The following TENT2 variants were observed in gnomAD, a reference collection of about 807,000 sequenced individuals.
The protein encoded by TENT2 is poly(A) RNA polymerase GLD2.
TENT2 carries 44 observed loss-of-function variants against 72.2 expected under a neutral mutation model. The observed-to-expected ratio is 0.61, with a 90% CI of 0.48 to 0.78. TENT2 has a LOEUF of 0.78. Ranked by LOEUF, TENT2 falls within the 30% of genes least tolerant of loss-of-function variation. The probability of loss-of-function intolerance (pLI) is 0.00; values close to 1 mark genes in which losing one functional copy is unlikely to be tolerated. For synonymous variants in TENT2, 212 were observed against 192.5 expected (o/e 1.10, Z -0.84); for missense variants, 541 against 569.6 (o/e 0.95, Z 0.51).
chr5:79,628,267 A>C (rs1285539600), intron 4 of TENT2, among the ~76,000 whole-genome samples: 1 of 152,220 alleles, frequency 6.6e-6, no homozygotes, highest in African/African-American at 2.4e-5. Flanking sequence ...TCAGTGTGAG[A>C]TAAAGTGGGG....
intron 4 of TENT2, among the ~76,000 whole-genome samples, chr5:79,635,795 G>A (rs966990030): frequency 6.6e-6 from 1 of 152,116 alleles, no homozygotes; most frequent in Non-Finnish European, 1.5e-5. Context: ...AGCTCCGGCA[G>A]TCCGCCCACC....
intron 6 of TENT2, 69 bp from the exon 7 acceptor site, chr5:79,642,763 A>G (rs575615109): frequency 1.6e-6 from 2 of 1,231,166 alleles, no homozygotes; most frequent in Admixed American, 4.4e-5. Flanking sequence ...TTTTGTTGAG[A>G]TACTTTAGGA....
At chr5:79,675,795 GAC>G (rs1297853882) in intron 12 of TENT2, among the ~76,000 whole-genome samples, 1 of 152,142 alleles carries the variant, frequency 6.6e-6, no homozygotes, top group Non-Finnish European at 1.5e-5. Context: ...ACATCCAGGT[GAC>G]AGTTTCCAAT....
chr5:79,630,178 T>C (rs754944958), intron 4 of TENT2, among the ~76,000 whole-genome samples: 19 of 152,118 alleles, frequency 1.2e-4, no homozygotes, highest in Non-Finnish European at 2.4e-4. Flanking sequence ...ATTTTATTTA[T>C]ATAAATGCTG....
At chr5:79,669,457 T>C (rs1162799442) in intron 12 of TENT2, among the ~76,000 whole-genome samples, 2 of 152,248 alleles carry the variant, frequency 1.3e-5, no homozygotes, top group African/African-American at 4.8e-5. Context: ...TAGTGTGATA[T>C]ACAAATTGAG....
At chr5:79,616,875 G>C (rs1328470652) in intron 1 of TENT2, among the ~76,000 whole-genome samples, 4 of 152,110 alleles carry the variant, frequency 2.6e-5, no homozygotes, top group Non-Finnish European at 5.9e-5. Flanking sequence ...ATAGAATTTT[G>C]TCCACAATCT....
chr5:79,616,626 A>T (rs1191398080), intron 1 of TENT2, among the ~76,000 whole-genome samples: 1 of 151,802 alleles, frequency 6.6e-6, no homozygotes, highest in Non-Finnish European at 1.5e-5. Flanking sequence ...TATTGTATGT[A>T]TTTTTGCTAG....
chr5:79,681,936 T>C (rs1822318910), intron 13 of TENT2, 46 bp from the exon 14 acceptor site: 1 of 1,502,274 alleles, frequency 6.7e-7, no homozygotes, highest in African/African-American at 1.4e-5. Flanking sequence ...AAACTGTAGC[T>C]CTCATTTTAA....
intron 4 of TENT2, among the ~76,000 whole-genome samples, chr5:79,634,482 A>T (rs12520923): frequency 6.6e-6 from 1 of 151,692 alleles, no homozygotes; most frequent in Non-Finnish European, 1.5e-5. Context: ...GACTACAGGC[A>T]CCTGTCACCA....
chr5:79,651,486 A>C (rs1794006912), intron 10 of TENT2, among the ~76,000 whole-genome samples: 1 of 152,078 alleles, frequency 6.6e-6, no homozygotes. Flanking sequence ...TCACTTCATA[A>C]AAGATGGTGC....
At chr5:79,621,770 A>AC (rs1445676711) in intron 3 of TENT2, among the ~76,000 whole-genome samples, 1 of 127,358 alleles carries the variant, frequency 7.9e-6, no homozygotes, top group Non-Finnish European at 1.6e-5. Flanking sequence ...AAAAAAAAAA[A>AC]AACAAAAAAA....
chr5:79,671,083 T>TA (rs994765010), intron 12 of TENT2, among the ~76,000 whole-genome samples: 8 of 152,178 alleles, frequency 5.3e-5, no homozygotes, highest in African/African-American at 1.9e-4. Context: ...TGTATACAAA[T>TA]ACCTTGAAAA....
chr5:79,630,425 CAT>C, intron 4 of TENT2, among the ~76,000 whole-genome samples: 1 of 152,168 alleles, frequency 6.6e-6, no homozygotes, highest in East Asian at 1.9e-4. Context: ...CTCTTTTAAA[CAT>C]ACAAAATTAG....
chr5:79,639,826 G>GA (rs1782982192), intron 4 of TENT2, among the ~76,000 whole-genome samples: 2 of 152,180 alleles, frequency 1.3e-5, no homozygotes, highest in Non-Finnish European at 2.9e-5. Context: ...AGTGTATACT[G>GA]ATGAAGAATA....
chr5:79,649,163 G>A lies in TENT2; in HGVS notation c.1000G>A (p.Val334Ile). 6.2e-7 allele frequency: 1 copy of A among 1,613,402 alleles called. No individual in the cohort carries two copies. The highest frequency in any genetic ancestry group is 1.1e-5 in the South Asian group (1 of 91,044). The change falls in exon 10 of 15, where the codon GTA becomes ATA. Residue 334 changes from valine (V) to isoleucine (I), a missense_variant. Transcript: ENST00000453514. ...TGGTACTTTAAGCAGCTATAGTCTT[G>A]TATTGATGGTTTTGCACTATTTACA... Reference protein sequence around the residue: ...SRGTLSSYSLVLMVLHYLQTL... With the variant: ...SRGTLSSYSLILMVLHYLQTL...
At chr5:79,631,537 C>G (rs72635612) in intron 4 of TENT2, among the ~76,000 whole-genome samples, 17,328 of 152,152 alleles carry the variant, frequency 0.11, 1,119 homozygotes, top group East Asian at 0.29. Flanking sequence ...GTAATTGAAG[C>G]CCCAGGAAGA....
At position 79,653,794 on chromosome 5, in the gene TENT2, A is replaced by G. The variant is rs1016399062; in HGVS notation, c.1028-3164A>G. ...TTACTGTGAGGGAAAAGGGCAAACA[A>G]GAGTCTGCAAGGTGTATTGAGTAGT... On this transcript the variant is annotated intron_variant, in intron 10 of 14. Coordinates refer to ENST00000453514, the MANE Select transcript of TENT2 (RefSeq NM_001114394.3). Among the ~76,000 whole-genome samples, 5 of 152,144 alleles carry G rather than the reference A, an allele frequency of 3.3e-5. No individual in the cohort carries two copies. The South Asian group carries it at 6.2e-4, about 19-fold the overall frequency.
chr5:79,684,970 A>T lies in TENT2; in HGVS notation c.1381-229A>T, dbSNP rs540399497. ...CTACTCAGGAGGCAGAGGTGGGAGG[A>T]TCTCTTGAGCCTGGAAAGCGGAGGT... On this transcript the variant is annotated intron_variant, in intron 14 of 14. Transcript: ENST00000453514. Among the ~76,000 whole-genome samples the T allele has an allele frequency of 5.9e-5, 9 of 152,300 alleles. No homozygotes were observed. In the East Asian group the frequency reaches 1.7e-3, roughly 29 times the overall value.
rs1388361991 is a variant in TENT2, at chr5:79,640,843, G to T, written c.466-8G>T. ...AAAACTTTTACTTTTTTTTGCGGTGGATTCAAGTTGAGTCAGCAGATACTG... is the reference window on the plus strand; with the variant it reads ...AAAACTTTTACTTTTTTTTGCGGTGTATTCAAGTTGAGTCAGCAGATACTG... On this transcript the variant is annotated splice_region_variant and splice_polypyrimidine_tract_variant and intron_variant, in intron 4 of 14. Coordinates refer to ENST00000453514, the MANE Select transcript of TENT2 (RefSeq NM_001114394.3). 7 of 1,574,576 alleles carry T rather than the reference G, an allele frequency of 4.4e-6. No individual in the cohort carries two copies. The highest frequency in any genetic ancestry group is 1.7e-4 in the Middle Eastern group (1 of 5,868).
Sources: allele counts gnomAD v4.1 joint callset (sites outside exome capture counted in the v4.1 genomes callset), GRCh38; gene constraint gnomAD v4.1.1; transcripts MANE v1.5; gene names NCBI Gene and HGNC (gene_info 2026-07-23, HGNC 2026-07-21).